Variants in UBTF observed in about 807,000 individuals in gnomAD.
The protein encoded by UBTF is nucleolar transcription factor 1.
UBTF carries 8 observed loss-of-function variants against 112.3 expected under a neutral mutation model. The ratio of observed to expected loss-of-function variants is 0.07; its 90% CI spans 0.04 to 0.13. UBTF has a LOEUF of 0.13. Among genes scored for constraint, UBTF ranks in the 10% least tolerant of loss-of-function variants. The pLI, the probability that UBTF is intolerant of heterozygous loss-of-function variation, is 1.00. For missense variants in UBTF, 457 were observed against 982.1 expected (o/e 0.47, Z 7.15); for synonymous variants, 417 against 373.1 (o/e 1.12, Z -1.36).
At position 44,209,400 on chromosome 17, in the gene UBTF, G is replaced by C. The variant is rs368630504; in HGVS notation, c.1857C>G (p.Ala619=). The C allele has an allele frequency of 1.7e-5, 28 of 1,613,716 alleles. 1 individual carries two copies. Among genetic ancestry groups the C allele is most frequent in the Non-Finnish European group, 8.5e-7 (1 of 1,179,760 alleles). The part of the protein sequence containing the change: ...QSQKEHYKKL[A]EEQQKQYKVH... Reference sequence around the variant, plus strand: ...CCTTGTACTGCTTTTGCTGCTCCTCGGCCAGCTTTTTGTAGTGCTCCTTCT... The same window carrying C: ...CCTTGTACTGCTTTTGCTGCTCCTCCGCCAGCTTTTTGTAGTGCTCCTTCT... The change falls in exon 17 of 21, where the codon GCC becomes GCG. Residue 619 remains alanine, a synonymous_variant. Coordinates refer to ENST00000436088, the MANE Select transcript of UBTF (RefSeq NM_014233.4).
In UBTF at chr17:44,207,758, T is replaced by A. The variant is rs916841838; in HGVS notation, c.1966A>T (p.Met656Leu). ...KEYISNKRKS[M>L]TKLRGPNPKS... Reference sequence around the variant, plus strand: ...GGGTTTGGGCCTCGCAGCTTGGTCATGCTCTTACGTTTCTGCAGGATGGGG... The same window carrying A: ...GGGTTTGGGCCTCGCAGCTTGGTCAAGCTCTTACGTTTCTGCAGGATGGGG... The change falls in exon 19 of 21, where the codon ATG (methionine) becomes TTG (leucine). Residue 656 changes from methionine to leucine, a missense_variant. Met to Leu is a conservative substitution (Grantham distance 15, BLOSUM62 2). Transcript: ENST00000436088. The A allele has an allele frequency of 6.2e-7, 1 of 1,614,044 alleles. No individual in the cohort carries two copies. The highest frequency in any genetic ancestry group is 8.5e-7 in the Non-Finnish European group (1 of 1,180,038).
At chr17:44,214,434 A>G (rs904201175) in intron 5 of UBTF, among the ~76,000 whole-genome samples, 1 of 152,218 alleles carries the variant, frequency 6.6e-6, no homozygotes, top group Non-Finnish European at 1.5e-5. Context: ...GAGCCAGGAG[A>G]ACAGGCCCAA....
In UBTF at chr17:44,218,766, C is replaced by T. The variant is rs567301353; in HGVS notation, c.-67-470G>A. Among the ~76,000 whole-genome samples, 639 of 151,312 alleles carry T rather than the reference C, an allele frequency of 4.2e-3. 15 individuals are homozygous for T. Among genetic ancestry groups the T allele is most frequent in the Non-Finnish European group, 3.0e-3 (202 of 67,626 alleles). ...CCTCCCCCCGGCCGGTTCCCCCCGC[C>T]TCCGCAACCCGGCGGGGACCCGGAC... On this transcript the variant is annotated intron_variant, in intron 1 of 20. Transcript: ENST00000436088.
At chr17:44,215,612 C>A (rs2046809761) in intron 5 of UBTF, 42 bp downstream of exon 5, 1 of 1,608,914 alleles carries the variant, frequency 6.2e-7, no homozygotes, top group Non-Finnish European at 8.5e-7. Flanking sequence ...CCAGCTGCTC[C>A]CAGCCTCTCC....
intron 13 of UBTF, 94 bp from the exon 14 acceptor site, chr17:44,210,567 A>G (rs2056595402): frequency 2.1e-6 from 3 of 1,447,700 alleles, no homozygotes; most frequent in Non-Finnish European, 1.8e-6. Flanking sequence ...GGCGGGCAGA[A>G]GCATGGGCTG....
intron 16 of UBTF, 30 bp downstream of exon 16, chr17:44,209,615 T>A (rs747713580): frequency 6.2e-7 from 1 of 1,614,002 alleles, no homozygotes; most frequent in East Asian, 2.2e-5. Context: ...CTCCCCGACC[T>A]CCAGGGCAGA....
At position 44,211,750 on chromosome 17, in the gene UBTF, A is replaced by G. The variant is rs371272757; in HGVS notation, c.906-3T>C. On this transcript the variant is annotated splice_polypyrimidine_tract_variant and splice_region_variant and intron_variant, in intron 9 of 20. Transcript: ENST00000436088. The surrounding 1 kb of genome is among the most constrained non-coding windows in gnomAD (Gnocchi z 4.9). ...CGCAGTACAGCGAGTAGCTGTTCCT[A>G]TCAGAGCCGCGGGGAGAGAGGTGCA... The G allele has an allele frequency of 3.1e-6, 5 of 1,605,072 alleles. No homozygotes were observed. In the African/African-American group the frequency reaches 4.0e-5, roughly 13 times the overall value.
rs2144530097 is a variant in UBTF at position 44,209,544 on chromosome 17, G to A, written c.1716-3C>T. ...GGGAGAACTTCTGGTAACCGTTCCT[G>A]GGAGGTGGGTTGGTAGAAGGAGGGT... On this transcript the variant is annotated splice_polypyrimidine_tract_variant and splice_region_variant and intron_variant, in intron 16 of 20. Transcript: ENST00000436088. The A allele has an allele frequency of 6.2e-7, 1 of 1,611,872 alleles. No homozygotes were observed. Among genetic ancestry groups the A allele is most frequent in the South Asian group, 1.1e-5 (1 of 90,998 alleles).
chr17:44,218,653 C>T (rs1434028822), intron 1 of UBTF: 1 of 161,160 alleles, frequency 6.2e-6, no homozygotes, highest in Non-Finnish European at 1.4e-5. Flanking sequence ...CGGGGAGGCC[C>T]CAGGCTGGAG....
Position 44,209,117 on chromosome 17 carries a change from C to T in UBTF, c.1905+235G>A, listed in dbSNP as rs1439470906. On this transcript the variant is annotated intron_variant, in intron 17 of 20. Transcript: ENST00000436088. ...CTGGGAGGTGGAGGTTGCAGTGAGC[C>T]GAGACTACACCACTGTACTCCAGCC... is the stretch of plus-strand genomic sequence containing the variant. 1.4e-4 allele frequency: 44 copies of T among 317,422 alleles called. No individual in the cohort carries two copies. In the East Asian group the frequency reaches 1.7e-3, roughly 12 times the overall value. The allele number at this position is 317,422 out of a possible 1,614,324, so 19.7% of individuals were successfully genotyped here. A position where few individuals can be genotyped will look rare whatever the true frequency, so the allele number is the denominator to read the frequency against.
intron 3 of UBTF, 195 bp from the exon 4 acceptor site, chr17:44,216,184 G>A (rs1368983595): frequency 3.2e-6 from 2 of 622,594 alleles, no homozygotes; most frequent in Admixed American, 2.9e-5. Flanking sequence ...CAGAGGCCCA[G>A]GCAGTCAGTA....
At chr17:44,209,316 C>T in intron 17 of UBTF, 36 bp downstream of exon 17, 1 of 1,551,794 alleles carries the variant, frequency 6.4e-7, no homozygotes, top group Non-Finnish European at 8.7e-7. Flanking sequence ...AGTCTGATGC[C>T]TCTCTGTTCC....
In UBTF at chr17:44,207,115, T is replaced by TTA; in HGVS notation, c.*126_*127insTA. 1 of 1,007,560 alleles carries TTA rather than the reference T, an allele frequency of 9.9e-7. No homozygotes were observed. Among genetic ancestry groups the TTA allele is most frequent in the Non-Finnish European group, 1.4e-6 (1 of 706,562 alleles). 62.4% of individuals were successfully genotyped at this position (1,007,560 alleles called of 1,614,324 possible). ...CCCCCACCGTATTTTTTTTTTTTTT[T>TTA]AAAGAAAGAAAGAAAGTGGGGGAGG... On this transcript the variant is annotated 3_prime_UTR_variant, in exon 21 of 21. Coordinates refer to ENST00000436088, the MANE Select transcript of UBTF (RefSeq NM_014233.4).
intron 19 of UBTF, 30 bp downstream of exon 19, chr17:44,207,669 A>C (rs879012822): frequency 1.2e-6 from 2 of 1,614,078 alleles, no homozygotes; most frequent in Non-Finnish European, 1.7e-6. Context: ...CCCCCGCCCC[A>C]CGCCCCTGCA....
rs535489436 is a variant in UBTF, at chr17:44,216,764, C to T, written c.59-60G>A. The T allele has an allele frequency of 6.2e-5, 98 of 1,570,914 alleles. No individual in the cohort carries two copies. In the South Asian group the frequency reaches 1.1e-3, roughly 17 times the overall value. Reference sequence around the variant, plus strand: ...TCATGCTATCCCCCCGATCTGTTCCCCAGTTCTTGAGTGCTCAACTCTTCC... The same window carrying T: ...TCATGCTATCCCCCCGATCTGTTCCTCAGTTCTTGAGTGCTCAACTCTTCC... On this transcript the variant is annotated intron_variant, in intron 2 of 20. Coordinates refer to ENST00000436088, the MANE Select transcript of UBTF (RefSeq NM_014233.4).
upstream of UBTF, chr17:44,221,005 G>C (rs2047162236): frequency 7.0e-6 from 1 of 143,546 alleles, no homozygotes. Flanking sequence ...GCCGCCTCCC[G>C]GGCCACCCCG....
rs1345727678 is a variant in UBTF, at chr17:44,206,764, C to T, written c.*478G>A. ...CTGTTTTCTTGAAGGCACCGACCCTCCTCCTCCCCATGTTCCCTGCCTCCA... is the reference window on the plus strand; with the variant it reads ...CTGTTTTCTTGAAGGCACCGACCCTTCTCCTCCCCATGTTCCCTGCCTCCA... On this transcript the variant is annotated 3_prime_UTR_variant, in exon 21 of 21. Transcript: ENST00000436088. The T allele has an allele frequency of 2.2e-5, 4 of 183,910 alleles. No homozygotes were observed. The highest frequency in any genetic ancestry group is 4.5e-5 in the Non-Finnish European group (4 of 89,050). The allele number at this position is 183,910 out of a possible 1,614,324, so 11.4% of individuals were successfully genotyped here. A position where few individuals can be genotyped will look rare whatever the true frequency, so the allele number is the denominator to read the frequency against.
At chr17:44,221,083 G>A (rs1413046818), upstream of UBTF, 5 of 144,062 alleles carry the variant, frequency 3.5e-5, no homozygotes, top group African/African-American at 1.1e-4. Flanking sequence ...CTGCTCTAGG[G>A]GTTGCACAAA....
chr17:44,214,544 G>C (rs570397577), intron 5 of UBTF, among the ~76,000 whole-genome samples: 18 of 152,224 alleles, frequency 1.2e-4, no homozygotes, highest in Admixed American at 4.6e-4. Flanking sequence ...CCCATCCCAT[G>C]AGAGTGTTTG....
Sources: allele counts gnomAD v4.1 joint callset (sites outside exome capture counted in the v4.1 genomes callset), GRCh38; gene constraint gnomAD v4.1.1; non-coding constraint Gnocchi (gnomAD v3.1); transcripts MANE v1.5; gene names NCBI Gene and HGNC (gene_info 2026-07-23, HGNC 2026-07-21).